Variants in DPM2 observed in about 807,000 individuals in gnomAD.
DPM2 encodes dolichyl-phosphate mannosyltransferase subunit 2, regulatory, also known as dolichol phosphate-mannose biosynthesis regulatory protein.
Under a neutral mutation model 12.1 loss-of-function variants are expected in DPM2, and 8 were observed. The observed-to-expected ratio is 0.66, with a 90% CI of 0.39 to 1.19. The LOEUF (loss-of-function observed/expected upper bound fraction) is 1.19. DPM2 is among the 50% of genes most tolerant of loss of function. The pLI is 0.01. For synonymous variants in DPM2, 38 were observed against 44.7 expected, an observed-to-expected ratio of 0.85 and a Z score of 0.60; for missense variants, 93 against 102.5, an observed-to-expected ratio of 0.91 and a Z score of 0.40.
In DPM2 at chr9:127,937,426, T is replaced by A. The variant is rs370074936; in HGVS notation, c.93+8A>T. 3.7e-6 allele frequency: 6 copies of A among 1,609,968 alleles called. No homozygotes were observed. Among genetic ancestry groups the A allele is most frequent in the Non-Finnish European group, 5.1e-6 (6 of 1,177,218 alleles). ...GAAGGTGAGCAGCGGACGGGGAGAA[T>A]GACATACCAAGAGAATCACCCAGGC... On this transcript the variant is annotated splice_region_variant and intron_variant, in intron 2 of 3. Transcript: ENST00000314392.
At chr9:127,937,132 TAA>T (rs1831519749) in intron 2 of DPM2, 2 of 328,888 alleles carry the variant, frequency 6.1e-6, no homozygotes, top group South Asian at 2.1e-4. Flanking sequence ...TTGCCATGCC[TAA>T]GAGTCAGCAG....
At chr9:127,937,259 C>T (rs1831522144) in intron 2 of DPM2, 175 bp downstream of exon 2, 1 of 539,884 alleles carries the variant, frequency 1.9e-6, no homozygotes, top group Admixed American at 3.6e-5. Flanking sequence ...CTAGCCTCAG[C>T]TATCTCATCT....
At chr9:127,936,925 C>T (rs943512078) in intron 2 of DPM2, 7 of 380,750 alleles carry the variant, frequency 1.8e-5, no homozygotes, top group African/African-American at 4.1e-5. Context: ...TAAGGCACCT[C>T]ACAGCCTAGC....
At chr9:127,937,215 C>T (rs1831521231) in intron 2 of DPM2, 1 of 450,874 alleles carries the variant, frequency 2.2e-6, no homozygotes, top group Non-Finnish European at 4.0e-6. Context: ...AGTGTAGCGG[C>T]TAAGGATGCA....
intron 3 of DPM2, chr9:127,936,234 G>A: frequency 7.2e-7 from 1 of 1,394,372 alleles, no homozygotes. Context: ...TGGAGACACA[G>A]TCCCCATCCC....
rs747715600 is a variant in DPM2 at position 127,937,518 on chromosome 9, C to T, written c.9G>A (p.Thr3=). 9 of 1,612,698 alleles carry T rather than the reference C, an allele frequency of 5.6e-6. No homozygotes were observed. The highest frequency in any genetic ancestry group is 1.7e-4 in the Middle Eastern group (1 of 6,060). ...CGAGTCCCACCACCTGGTCTGTCCCCGTGGCCTGGAGAAAAGGGAGGTCTC... is the reference window on the plus strand; with the variant it reads ...CGAGTCCCACCACCTGGTCTGTCCCTGTGGCCTGGAGAAAAGGGAGGTCTC... MA[T]GTDQVVGLGL... is the part of the protein sequence containing the mutation. Residue 3 remains threonine, a synonymous_variant, in exon 2 of 4, where the codon ACG becomes ACA. Transcript: ENST00000314392.
chr9:127,937,371 G>C, intron 2 of DPM2, 63 bp downstream of exon 2: 1 of 1,297,684 alleles, frequency 7.7e-7, no homozygotes, highest in African/African-American at 1.5e-5. Flanking sequence ...AGCCTATATA[G>C]TAGTTGCTCT....
intron 3 of DPM2, chr9:127,936,069 T>C: frequency 1.7e-6 from 1 of 599,222 alleles, no homozygotes; most frequent in Admixed American, 3.1e-5. Flanking sequence ...ACCACTTGTC[T>C]GTCCACCTAC....
intron 3 of DPM2, 126 bp downstream of exon 3, chr9:127,936,427 C>A: frequency 6.2e-7 from 1 of 1,600,440 alleles, no homozygotes; most frequent in Non-Finnish European, 8.5e-7. Context: ...GAAGGATGAA[C>A]AGGAAAACCC....
At chr9:127,937,318 G>A (rs1831523352) in intron 2 of DPM2, 116 bp downstream of exon 2, 1 of 755,426 alleles carries the variant, frequency 1.3e-6, no homozygotes, top group African/African-American at 1.7e-5. Context: ...GTTCTGGAGA[G>A]TTCAAGAGAT....
In DPM2 at chr9:127,937,513, G is replaced by A. The variant is rs1831528393; in HGVS notation, c.14C>T (p.Thr5Ile). The A allele has an allele frequency of 6.2e-7, 1 of 1,613,346 alleles. No individual in the cohort carries two copies. The highest frequency in any genetic ancestry group is 8.5e-7 in the Non-Finnish European group (1 of 1,179,536). The stretch of plus-strand genomic sequence containing the variant: ...GAGGCCGAGTCCCACCACCTGGTCT[G>A]TCCCCGTGGCCTGGAGAAAAGGGAG... Reference protein sequence around the residue: MATGTDQVVGLGLVA... With the variant: MATGIDQVVGLGLVA... The change falls in exon 2 of 4, where the codon ACA becomes ATA. Residue 5 changes from threonine (T) to isoleucine (I), a missense_variant. Thr to Ile is a moderately conservative substitution (Grantham distance 89, BLOSUM62 -1). Coordinates refer to ENST00000314392, the MANE Select transcript of DPM2 (RefSeq NM_003863.4).
intron 2 of DPM2, 33 bp downstream of exon 2, chr9:127,937,401 G>C: frequency 6.4e-7 from 1 of 1,569,298 alleles, no homozygotes; most frequent in African/African-American, 1.4e-5. Flanking sequence ...AGGGCTCGGG[G>C]AAGGTGAGCA....
intron 3 of DPM2, 156 bp downstream of exon 3, chr9:127,936,397 G>A (rs1479670374): frequency 6.4e-7 from 1 of 1,564,834 alleles, no homozygotes; most frequent in Non-Finnish European, 8.7e-7. Flanking sequence ...GAAACCCAGA[G>A]GTTACTGACT....
intron 3 of DPM2, chr9:127,935,983 C>T: frequency 1.6e-6 from 1 of 609,000 alleles, no homozygotes. Context: ...GAGTGCCTGC[C>T]TCAAGCAAGA....
chr9:127,936,736 A>G, intron 2 of DPM2, 81 bp from the exon 3 acceptor site: 1 of 1,299,966 alleles, frequency 7.7e-7, no homozygotes, highest in South Asian at 1.8e-5. Context: ...TCCTCCATCT[A>G]AGGGGCTGAC....
intron 3 of DPM2, chr9:127,936,047 A>C (rs376393416): frequency 1.5e-4 from 89 of 590,328 alleles, no homozygotes; most frequent in African/African-American, 1.5e-3. Flanking sequence ...CCATCTATCG[A>C]TCACCCGGTC....
chr9:127,935,574 GGT>G lies in DPM2; in HGVS notation c.*146_*147del, dbSNP rs1831490692. 1 of 791,340 alleles carries G rather than the reference GGT, an allele frequency of 1.3e-6. No individual in the cohort carries two copies. The highest frequency in any genetic ancestry group is 1.7e-5 in the African/African-American group (1 of 58,466). 49.0% of individuals were successfully genotyped at this position (791,340 alleles called of 1,614,324 possible). A position where few individuals can be genotyped will look rare whatever the true frequency, so the allele number is the denominator to read the frequency against. The stretch of plus-strand genomic sequence containing the variant: ...TCGGGGAGGGGGCTCCAGTCAGTCA[GGT>G]GTAAGCTCCATGCCATGGGGACTCT... On this transcript the variant is annotated 3_prime_UTR_variant, in exon 4 of 4. Transcript: ENST00000314392.
rs780336534 is a variant in DPM2, at chr9:127,936,528, T to C, written c.196+25A>G. 4.4e-6 allele frequency: 7 copies of C among 1,601,680 alleles called. No homozygotes were observed. In the Admixed American group the frequency reaches 1.2e-4, roughly 27 times the overall value. On this transcript the variant is annotated intron_variant, in intron 3 of 3. Transcript: ENST00000314392. ...GGTCTTCCCGAAACCCTGCCCAGGGTCAAGGGGAGGAGGTGATGACTTACC... is the reference window on the plus strand; with the variant it reads ...GGTCTTCCCGAAACCCTGCCCAGGGCCAAGGGGAGGAGGTGATGACTTACC...
rs766720288 is a variant in DPM2 at position 127,937,838 on chromosome 9, C to T, written c.-18G>A. 33 of 1,595,192 alleles carry T rather than the reference C, an allele frequency of 2.1e-5. No homozygotes were observed. The highest frequency in any genetic ancestry group is 1.7e-4 in the Middle Eastern group (1 of 6,010). On this transcript the variant is annotated 5_prime_UTR_variant, in exon 1 of 4. Coordinates refer to ENST00000314392, the MANE Select transcript of DPM2 (RefSeq NM_003863.4). ...CTCACCATTTCCCCGCGCGCTCAGC[C>T]ACCCGAGCCGCAAGCCACATCCGGT...
Sources: allele counts gnomAD v4.1 joint callset, GRCh38; gene constraint gnomAD v4.1.1; transcripts MANE v1.5; gene names NCBI Gene and HGNC (gene_info 2026-07-23, HGNC 2026-07-21).